Variants in ARL13B observed in about 807,000 individuals in gnomAD.
The protein encoded by ARL13B is ADP-ribosylation factor-like protein 13B.
A neutral mutation model predicts 56.1 loss-of-function variants in ARL13B; 36 were observed. That is an observed-to-expected ratio of 0.64 (90% CI 0.49 to 0.85). The LOEUF is 0.85. ARL13B is among the 40% of genes least tolerant of loss of function. ARL13B has a pLI of 0.00. For synonymous variants in ARL13B, 178 were observed against 171.1 expected (o/e 1.04, Z -0.32); for missense variants, 519 against 507.1 (o/e 1.02, Z -0.23).
rs535478464 is a variant in ARL13B at position 94,036,636 on chromosome 3, G to T, written c.571G>T (p.Ala191Ser). 6.2e-7 allele frequency: 1 copy of T among 1,614,038 alleles called. No homozygotes were observed. Among genetic ancestry groups the T allele is most frequent in the Non-Finnish European group, 8.5e-7 (1 of 1,179,998 alleles). Reference sequence around the variant, plus strand: ...CCTTTATTGGCTGCTACATGTTATTGCAAGAGACTTTGATGCCTTAAATGA... The same window carrying T: ...CCTTTATTGGCTGCTACATGTTATTTCAAGAGACTTTGATGCCTTAAATGA... ...KGLYWLLHVI[A>S]RDFDALNERI... Residue 191 changes from alanine (A) to serine (S), a missense_variant, in exon 5 of 10, where the codon GCA becomes TCA. Transcript: ENST00000394222.
chr3:94,042,720 C>G (rs2076884243), intron 6 of ARL13B, among the ~76,000 whole-genome samples: 1 of 152,028 alleles, frequency 6.6e-6, no homozygotes, highest in Non-Finnish European at 1.5e-5. Flanking sequence ...AAAATCATCT[C>G]TTAGTGATTA....
chr3:94,055,420 C>T lies in ARL13B; in HGVS notation c.*2157C>T, dbSNP rs1391991834. ...ATGCATTTTTTTGATACTTTACACA[C>T]AAAACTTTTTTCTCTCTGCAAGTTT... is the stretch of plus-strand genomic sequence containing the variant. On this transcript the variant is annotated 3_prime_UTR_variant, in exon 10 of 10. Coordinates refer to ENST00000394222, the MANE Select transcript of ARL13B (RefSeq NM_001174150.2). The T allele has an allele frequency of 2.2e-6, 1 of 452,410 alleles. No homozygotes were observed. The highest frequency in any genetic ancestry group is 1.6e-5 in the South Asian group (1 of 64,204). 28.0% of individuals were successfully genotyped at this position (452,410 alleles called of 1,614,324 possible).
intron 3 of ARL13B, among the ~76,000 whole-genome samples, chr3:94,007,172 A>G (rs2076149373): frequency 6.6e-6 from 1 of 152,162 alleles, no homozygotes; most frequent in African/African-American, 2.4e-5. Flanking sequence ...CCCCAATAAC[A>G]AGCAAGCAGA....
intron 2 of ARL13B, among the ~76,000 whole-genome samples, chr3:94,002,706 T>A (rs2076073750): frequency 6.6e-6 from 1 of 152,218 alleles, no homozygotes; most frequent in South Asian, 2.1e-4. Context: ...TAGAGACTTT[T>A]GCAAGATTAA....
Position 94,042,035 on chromosome 3 carries a change from C to T in ARL13B, c.799-980C>T, listed in dbSNP as rs191161376. ...TCGTGCCACTGCACTCCAGCCTGGGCGACAGAGCGAGACTCCATCTCAAAA... is the reference window on the plus strand; with the variant it reads ...TCGTGCCACTGCACTCCAGCCTGGGTGACAGAGCGAGACTCCATCTCAAAA... On this transcript the variant is annotated intron_variant, in intron 6 of 9. Transcript: ENST00000394222. 3.2e-3 allele frequency among the ~76,000 whole-genome samples: 484 copies of T among 152,070 alleles called. 3 individuals are homozygous for T. The highest frequency in any genetic ancestry group is 0.011 in the African/African-American group (451 of 41,476).
intron 1 of ARL13B, among the ~76,000 whole-genome samples, chr3:93,982,093 CAG>C (rs1220282395): frequency 6.6e-6 from 1 of 152,126 alleles, no homozygotes; most frequent in Non-Finnish European, 1.5e-5. Flanking sequence ...TAACGAGAAA[CAG>C]TGAAAACGTG....
At position 94,043,252 on chromosome 3, in the gene ARL13B, A is replaced by G; in HGVS notation, c.1024+12A>G. On this transcript the variant is annotated intron_variant, in intron 7 of 9. Coordinates refer to ENST00000394222, the MANE Select transcript of ARL13B (RefSeq NM_001174150.2). ...ATCATTGGAATCAGGTAATAAATCTAGTTATTTAAAGTAATTATCTTATGT... is the reference window on the plus strand; with the variant it reads ...ATCATTGGAATCAGGTAATAAATCTGGTTATTTAAAGTAATTATCTTATGT... 1 of 1,596,208 alleles carries G rather than the reference A, an allele frequency of 6.3e-7. No homozygotes were observed. Among genetic ancestry groups the G allele is most frequent in the East Asian group, 2.2e-5 (1 of 44,672 alleles).
intron 1 of ARL13B, among the ~76,000 whole-genome samples, chr3:93,993,774 A>G (rs2075917888): frequency 6.6e-6 from 1 of 152,250 alleles, no homozygotes. Context: ...CAGCTTCCTT[A>G]GGAAGTAAAT....
chr3:94,035,474 T>C, intron 4 of ARL13B, 38 bp downstream of exon 4: 2 of 1,387,168 alleles, frequency 1.4e-6, no homozygotes, highest in Non-Finnish European at 2.0e-6. Context: ...TAATTTTTTG[T>C]CCTTTCAAAT....
chr3:94,050,889 A>T lies in ARL13B; in HGVS notation c.1207A>T (p.Asn403Tyr). Reference sequence around the variant, plus strand: ...TGAGCCTCTTGGTGAAACACATCATAATGGTAATGCAAAAGGATTGGTTTT... The same window carrying T: ...TGAGCCTCTTGGTGAAACACATCATTATGGTAATGCAAAAGGATTGGTTTT... ...KLEPLGETHH[N>Y]DFYRKPLPPL... The change falls in exon 9 of 10, where the codon AAT becomes TAT. Residue 403 changes from asparagine to tyrosine, a missense_variant. Transcript: ENST00000394222. The T allele has an allele frequency of 6.2e-7, 1 of 1,612,892 alleles. No individual in the cohort carries two copies. Among genetic ancestry groups the T allele is most frequent in the Non-Finnish European group, 8.5e-7 (1 of 1,179,498 alleles).
intron 2 of ARL13B, among the ~76,000 whole-genome samples, chr3:94,003,187 A>G (rs2076081457): frequency 6.6e-6 from 1 of 152,200 alleles, no homozygotes; most frequent in Non-Finnish European, 1.5e-5. Flanking sequence ...TAATTCAGCT[A>G]ATTAAAAAAG....
At chr3:94,009,799 G>A (rs1302253175) in intron 3 of ARL13B, among the ~76,000 whole-genome samples, 1 of 151,828 alleles carries the variant, frequency 6.6e-6, no homozygotes, top group African/African-American at 2.4e-5. Context: ...GTTTCCTTTT[G>A]TCTCTTAATG....
intron 8 of ARL13B, among the ~76,000 whole-genome samples, chr3:94,049,900 C>A (rs923633187): frequency 1.3e-5 from 2 of 151,536 alleles, no homozygotes; most frequent in Non-Finnish European, 2.9e-5. Flanking sequence ...CACCTGTAAT[C>A]CCAGCACTTT....
Position 94,054,900 on chromosome 3 carries a change from G to T in ARL13B, c.*1637G>T. The T allele has an allele frequency of 3.7e-6, 1 of 271,272 alleles. No individual in the cohort carries two copies. The highest frequency in any genetic ancestry group is 3.5e-5 in the South Asian group (1 of 28,688). 16.8% of individuals were successfully genotyped at this position (271,272 alleles called of 1,614,324 possible). A position where few individuals can be genotyped will look rare whatever the true frequency, so the allele number is the denominator to read the frequency against. On this transcript the variant is annotated 3_prime_UTR_variant, in exon 10 of 10. Coordinates refer to ENST00000394222, the MANE Select transcript of ARL13B (RefSeq NM_001174150.2). ...TAAACTTTGAAAAGGATTTTAGAGG[G>T]AAAATTGCATAGCTTTTTGTAACAT... is the stretch of plus-strand genomic sequence containing the variant.
At chr3:93,983,756 C>G (rs1384716705) in intron 1 of ARL13B, among the ~76,000 whole-genome samples, 1 of 151,388 alleles carries the variant, frequency 6.6e-6, no homozygotes, top group Non-Finnish European at 1.5e-5. Context: ...TGTGTTTTTT[C>G]TATTGGGGCA....
intron 3 of ARL13B, among the ~76,000 whole-genome samples, chr3:94,027,754 CACTT>C (rs201253208): frequency 0.014 from 2,067 of 152,146 alleles, 31 homozygotes; most frequent in Admixed American, 0.021. Context: ...TAAATGCTAA[CACTT>C]ACGTTAAATG....
At chr3:94,030,126 AC>A (rs1272567808) in intron 3 of ARL13B, among the ~76,000 whole-genome samples, 1 of 152,194 alleles carries the variant, frequency 6.6e-6, no homozygotes, top group African/African-American at 2.4e-5. Context: ...GAAAATGGTT[AC>A]CTATAAGGGA....
intron 9 of ARL13B, 140 bp from the exon 10 acceptor site, chr3:94,053,047 T>A: frequency 1.4e-6 from 1 of 723,850 alleles, no homozygotes; most frequent in Non-Finnish European, 2.4e-6. Flanking sequence ...GGAAATCTTT[T>A]AGAGAGGCAT....
At chr3:94,042,972 T>C in intron 6 of ARL13B, 43 bp from the exon 7 acceptor site, 1 of 1,496,530 alleles carries the variant, frequency 6.7e-7, no homozygotes, top group Non-Finnish European at 9.1e-7. Flanking sequence ...CTATCTTAGA[T>C]AAAACCATCA....
Sources: allele counts gnomAD v4.1 joint callset (sites outside exome capture counted in the v4.1 genomes callset), GRCh38; gene constraint gnomAD v4.1.1; transcripts MANE v1.5; gene names NCBI Gene and HGNC (gene_info 2026-07-23, HGNC 2026-07-21).